The following CCSER1 variants were observed in gnomAD, a reference collection of about 807,000 sequenced individuals.
CCSER1 encodes the protein serine-rich coiled-coil domain-containing protein 1.
A neutral mutation model predicts 82.0 loss-of-function variants in CCSER1; 41 were observed. The ratio of observed to expected loss-of-function variants is 0.50; its 90% CI spans 0.39 to 0.65. The LOEUF (loss-of-function observed/expected upper bound fraction) is 0.65, where lower values mean the gene tolerates loss of function less well. Ranked by LOEUF, CCSER1 falls within the 30% of genes least tolerant of loss-of-function variation. The pLI is 0.00. For synonymous variants in CCSER1, 414 were observed against 383.9 expected (o/e 1.08, Z -0.92); for missense variants, 1,119 against 1,064.2 (o/e 1.05, Z -0.72).
chr4:91,178,970 T>C (rs1733707739), intron 10 of CCSER1, among the ~76,000 whole-genome samples: 1 of 152,070 alleles, frequency 6.6e-6, no homozygotes, highest in African/African-American at 2.4e-5. Flanking sequence ...AGTGCTTCCT[T>C]AAGGAGCTCT....
At chr4:90,314,018 C>A (rs190830283) in intron 3 of CCSER1, among the ~76,000 whole-genome samples, 2 of 152,052 alleles carry the variant, frequency 1.3e-5, no homozygotes, top group Admixed American at 1.3e-4. Flanking sequence ...TAATTGAGAT[C>A]TGATAATTAT....
chr4:91,194,097 G>A (rs6847555), intron 10 of CCSER1, among the ~76,000 whole-genome samples: 16,936 of 152,040 alleles, frequency 0.11, 1,093 homozygotes, highest in East Asian at 0.23. Flanking sequence ...AGCCTCCCAA[G>A]TAGCTGGGAT....
At chr4:91,287,031 C>T (rs531087578) in intron 10 of CCSER1, among the ~76,000 whole-genome samples, 246 of 151,852 alleles carry the variant, frequency 1.6e-3, no homozygotes, top group African/African-American at 5.7e-3. Flanking sequence ...AATAATACTG[C>T]CTTGCTATTC....
chr4:91,275,110 A>C (rs1463073220), intron 10 of CCSER1, among the ~76,000 whole-genome samples: 1 of 152,110 alleles, frequency 6.6e-6, no homozygotes, highest in Non-Finnish European at 1.5e-5. Context: ...CGTCTAAAAA[A>C]AAAAAAGAAA....
At chr4:90,311,247 A>G (rs558807582) in intron 2 of CCSER1, among the ~76,000 whole-genome samples, 1 of 152,236 alleles carries the variant, frequency 6.6e-6, no homozygotes, top group African/African-American at 2.4e-5. Context: ...TAGAAATGCA[A>G]TTATCCTGAC....
At chr4:90,766,987 T>C (rs993460586) in intron 7 of CCSER1, among the ~76,000 whole-genome samples, 1 of 152,194 alleles carries the variant, frequency 6.6e-6, no homozygotes, top group African/African-American at 2.4e-5. Flanking sequence ...GCCTGTCTTA[T>C]GTGAATGTAC....
intron 9 of CCSER1, among the ~76,000 whole-genome samples, chr4:90,950,196 A>G (rs932563644): frequency 1.3e-5 from 2 of 152,122 alleles, no homozygotes; most frequent in Non-Finnish European, 2.9e-5. Context: ...AGTAAAATTA[A>G]AAAGTCAATA....
At chr4:90,603,569 T>C (rs1784282185) in intron 5 of CCSER1, among the ~76,000 whole-genome samples, 1 of 152,184 alleles carries the variant, frequency 6.6e-6, no homozygotes, top group South Asian at 2.1e-4. Flanking sequence ...ATGTTGAAAT[T>C]GAAAACAATC....
chr4:90,634,264 A>G (rs1412921113), intron 6 of CCSER1, among the ~76,000 whole-genome samples: 1 of 151,730 alleles, frequency 6.6e-6, no homozygotes, highest in Non-Finnish European at 1.5e-5. Context: ...AGGCCCATAT[A>G]GTTGATGCAA....
At chr4:90,576,858 A>C (rs553570362) in intron 5 of CCSER1, among the ~76,000 whole-genome samples, 1 of 152,258 alleles carries the variant, frequency 6.6e-6, no homozygotes, top group East Asian at 1.9e-4. Flanking sequence ...GCATGAACCT[A>C]GGTTTTCAAC....
intron 6 of CCSER1, among the ~76,000 whole-genome samples, chr4:90,697,613 G>A (rs984145506): frequency 2.6e-5 from 4 of 151,974 alleles, no homozygotes; most frequent in Admixed American, 6.6e-5. Flanking sequence ...TTTGCTATCC[G>A]CATAAACCTT....
intron 5 of CCSER1, among the ~76,000 whole-genome samples, chr4:90,564,027 G>C (rs533414678): frequency 6.6e-5 from 10 of 152,216 alleles, no homozygotes; most frequent in African/African-American, 2.2e-4. Flanking sequence ...GCCTTTCCCT[G>C]ATGATTAATG....
At chr4:90,270,313 A>G (rs1726020799) in intron 1 of CCSER1, among the ~76,000 whole-genome samples, 1 of 152,140 alleles carries the variant, frequency 6.6e-6, no homozygotes, top group Non-Finnish European at 1.5e-5. Context: ...AAGATCATTC[A>G]TAATGACCAA....
intron 10 of CCSER1, among the ~76,000 whole-genome samples, chr4:91,404,993 G>A (rs780096624): frequency 9.9e-5 from 15 of 152,048 alleles, no homozygotes; most frequent in Non-Finnish European, 1.9e-4. Flanking sequence ...TTGACAGTGG[G>A]GTGTTAAAGT....
At chr4:90,918,011 T>TA (rs1002054601) in intron 8 of CCSER1, among the ~76,000 whole-genome samples, 4 of 152,068 alleles carry the variant, frequency 2.6e-5, no homozygotes, top group South Asian at 2.1e-4. Context: ...TCTTTTACAT[T>TA]AAAAAAATCT....
At chr4:91,472,864 T>C (rs1205690316) in intron 10 of CCSER1, among the ~76,000 whole-genome samples, 1 of 152,218 alleles carries the variant, frequency 6.6e-6, no homozygotes, top group African/African-American at 2.4e-5. Flanking sequence ...GACACTGTTC[T>C]GTCCTCTTTA....
chr4:90,140,924 C>G (rs1724648441), intron 1 of CCSER1, among the ~76,000 whole-genome samples: 1 of 151,866 alleles, frequency 6.6e-6, no homozygotes, highest in Admixed American at 6.6e-5. Flanking sequence ...CTCAGCCTCC[C>G]AAAGTGCTGG....
At chr4:90,703,163 T>C (rs1206821602) in intron 6 of CCSER1, among the ~76,000 whole-genome samples, 1 of 152,138 alleles carries the variant, frequency 6.6e-6, no homozygotes, top group Non-Finnish European at 1.5e-5. Context: ...ACATATTCTA[T>C]TATGCTGTGT....
At chr4:90,957,286 G>C (rs1212560993) in intron 9 of CCSER1, among the ~76,000 whole-genome samples, 1 of 143,880 alleles carries the variant, frequency 7.0e-6, no homozygotes, top group Non-Finnish European at 1.5e-5. Context: ...GTTTTTAATA[G>C]AGATGGGGTT....
Sources: gnomAD v4.1 joint callset for allele counts (sites outside exome capture counted in the v4.1 genomes callset) on GRCh38, gnomAD v4.1.1 for gene constraint, MANE v1.5 for transcripts, NCBI Gene and HGNC (gene_info 2026-07-23, HGNC 2026-07-21) for gene names.